ANGPT2: variants seen among roughly 807,000 people sequenced by gnomAD.
The protein encoded by ANGPT2 is angiopoietin-2.
A neutral mutation model predicts 62.9 loss-of-function variants in ANGPT2; 28 were observed. That is an observed-to-expected ratio of 0.44 (90% confidence interval 0.33 to 0.61). ANGPT2 has a LOEUF of 0.61. Among genes scored for constraint, ANGPT2 ranks in the 20% least tolerant of loss-of-function variants. The probability of loss-of-function intolerance (pLI) is 0.03; values close to 1 mark genes in which losing one functional copy is unlikely to be tolerated. For missense variants in ANGPT2, 727 were observed against 594.9 expected, an observed-to-expected ratio of 1.22 and a Z score of -2.31; for synonymous variants, 284 against 207.8, an observed-to-expected ratio of 1.37 and a Z score of -3.15.
At position 6,532,527 on chromosome 8, in the gene ANGPT2, T is replaced by C. The variant is rs111337624; in HGVS notation, c.289-40A>G. On this transcript the variant is annotated intron_variant, in intron 1 of 8. Coordinates refer to ENST00000629816, the MANE Select transcript of ANGPT2 (RefSeq NM_001118887.2). ...TGTTAGAAGGCAGTCATTAGTCAAATGACCGGAAACCTGATTCCTAAATGT... is the reference window on the plus strand; with the variant it reads ...TGTTAGAAGGCAGTCATTAGTCAAACGACCGGAAACCTGATTCCTAAATGT... 6.0e-6 allele frequency: 9 copies of C among 1,505,162 alleles called. No individual in the cohort carries two copies. In the African/African-American group the frequency reaches 7.1e-5, roughly 12 times the overall value. 93.2% of individuals were successfully genotyped at this position (1,505,162 alleles called of 1,614,324 possible). A position where few individuals can be genotyped will look rare whatever the true frequency, so the allele number is the denominator to read the frequency against.
At position 6,521,354 on chromosome 8, in the gene ANGPT2, G is replaced by A. The variant is rs946221594; in HGVS notation, c.623C>T (p.Ser208Leu). ...MEDKHIIQLQ[S>L]IKEEKDQLQV... ...TAGCTGATCTTTCTCTTCTTTTATT[G>A]ACTGTAGTTGGATGATGTGCTTGTC... Residue 208 changes from serine to leucine, a missense_variant, in exon 4 of 9, where the codon TCA (serine) becomes TTA (leucine). Ser to Leu is a moderately radical substitution (Grantham distance 145). Coordinates refer to ENST00000629816, the MANE Select transcript of ANGPT2 (RefSeq NM_001118887.2). 6.2e-6 allele frequency: 10 copies of A among 1,613,316 alleles called. No homozygotes were observed. The highest frequency in any genetic ancestry group is 7.6e-6 in the Non-Finnish European group (9 of 1,179,902).
intron 1 of ANGPT2, among the ~76,000 whole-genome samples, chr8:6,542,618 T>C (rs1210782974): frequency 6.6e-6 from 1 of 151,908 alleles, no homozygotes; most frequent in African/African-American, 2.4e-5. Context: ...AAAAGTGCTG[T>C]CTGAGGAGCA....
At chr8:6,530,072 A>G (rs372489513) in intron 2 of ANGPT2, among the ~76,000 whole-genome samples, 1 of 152,144 alleles carries the variant, frequency 6.6e-6, no homozygotes, top group South Asian at 2.1e-4. Context: ...TTAAAATATA[A>G]GAAATGTTGT....
At chr8:6,552,761 G>T (rs1278571899) in intron 1 of ANGPT2, among the ~76,000 whole-genome samples, 2 of 151,626 alleles carry the variant, frequency 1.3e-5, no homozygotes, top group Middle Eastern at 3.5e-3. Context: ...TGATTGTTTC[G>T]GCCAGTTAAT....
Position 6,535,077 on chromosome 8 carries a change from C to G in ANGPT2, c.289-2590G>C, listed in dbSNP as rs535870871. 2.6e-4 allele frequency among the ~76,000 whole-genome samples: 40 copies of G among 152,144 alleles called. No individual in the cohort carries two copies. In the South Asian group the frequency reaches 8.1e-3, roughly 31 times the overall value. On this transcript the variant is annotated intron_variant, in intron 1 of 8. Coordinates refer to ENST00000629816, the MANE Select transcript of ANGPT2 (RefSeq NM_001118887.2). ...ACTCCAGCTGGAGTTTAGTTTAAGCCCATACTCAGAAATAATAATTTACAA... is the reference window on the plus strand; with the variant it reads ...ACTCCAGCTGGAGTTTAGTTTAAGCGCATACTCAGAAATAATAATTTACAA...
At chr8:6,525,251 C>G (rs866876942) in intron 3 of ANGPT2, among the ~76,000 whole-genome samples, 3 of 152,124 alleles carry the variant, frequency 2.0e-5, no homozygotes, top group East Asian at 3.8e-4. Context: ...GCCCCCTGAT[C>G]GTTGTAAATT....
chr8:6,524,868 A>T (rs1818038391), intron 3 of ANGPT2, among the ~76,000 whole-genome samples: 1 of 152,228 alleles, frequency 6.6e-6, no homozygotes, highest in South Asian at 2.1e-4. Flanking sequence ...CTTTGGTGTC[A>T]CGAGCACCTT....
At chr8:6,523,157 C>T (rs1586343632) in intron 3 of ANGPT2, among the ~76,000 whole-genome samples, 1 of 152,072 alleles carries the variant, frequency 6.6e-6, no homozygotes, top group African/African-American at 2.4e-5. Flanking sequence ...GTCACCATGT[C>T]AGGCTAACTT....
rs974117203 is a variant in ANGPT2, at chr8:6,508,678, C to T, written c.1327+254G>A. ...GAGAGCTTGCTAAGAATCAAATATC[C>T]CCTCTCCTTGCCAGGGCTAGGTCCT... On this transcript the variant is annotated intron_variant, in intron 8 of 8. Coordinates refer to ENST00000629816, the MANE Select transcript of ANGPT2 (RefSeq NM_001118887.2). The T allele has an allele frequency of 2.9e-5, 17 of 595,748 alleles. No individual in the cohort carries two copies. In the African/African-American group the frequency reaches 3.0e-4, roughly 10 times the overall value. 36.9% of individuals were successfully genotyped at this position (595,748 alleles called of 1,614,324 possible). A position where few individuals can be genotyped will look rare whatever the true frequency, so the allele number is the denominator to read the frequency against.
intron 2 of ANGPT2, among the ~76,000 whole-genome samples, chr8:6,527,897 C>CTCTTTTTTTTT (rs1343936237): frequency 9.4e-6 from 1 of 105,956 alleles, no homozygotes; most frequent in African/African-American, 3.1e-5. Context: ...CCCCACGTCT[C>CTCTTTTTTTTT]TATTTTTTTT....
At chr8:6,529,623 A>ATTTTTTTTTTT (rs35322987) in intron 2 of ANGPT2, among the ~76,000 whole-genome samples, 2 of 120,976 alleles carry the variant, frequency 1.7e-5, no homozygotes, top group Non-Finnish European at 1.7e-5. Context: ...CGCCTGGCTA[A>ATTTTTTTTTTT]TTTTTTTTTT....
intron 1 of ANGPT2, among the ~76,000 whole-genome samples, chr8:6,534,615 T>C (rs1820170271): frequency 6.6e-6 from 1 of 152,082 alleles, no homozygotes; most frequent in Admixed American, 6.6e-5. Flanking sequence ...GACCACTACT[T>C]TAAAAAATTA....
chr8:6,540,191 C>T (rs1206768717), intron 1 of ANGPT2, among the ~76,000 whole-genome samples: 1 of 152,140 alleles, frequency 6.6e-6, no homozygotes, highest in Non-Finnish European at 1.5e-5. Context: ...ATTTTTTTCA[C>T]ATATATTTGA....
At chr8:6,543,063 CCT>C (rs1821899178) in intron 1 of ANGPT2, among the ~76,000 whole-genome samples, 1 of 152,090 alleles carries the variant, frequency 6.6e-6, no homozygotes, top group Non-Finnish European at 1.5e-5. Context: ...CTGTGCGTGC[CCT>C]GCCGGGTCCC....
At chr8:6,522,832 C>A (rs1002040109) in intron 3 of ANGPT2, among the ~76,000 whole-genome samples, 2 of 151,798 alleles carry the variant, frequency 1.3e-5, no homozygotes, top group Non-Finnish European at 1.5e-5. Flanking sequence ...CCTAAAGTCA[C>A]ACACAGCAGG....
At position 6,545,665 on chromosome 8, in the gene ANGPT2, G is replaced by T. The variant is rs537372416; in HGVS notation, c.289-13178C>A. Among the ~76,000 whole-genome samples, 7 of 152,262 alleles carry T rather than the reference G, an allele frequency of 4.6e-5. No individual in the cohort carries two copies. The South Asian group carries it at 1.4e-3, about 32-fold the overall frequency. On this transcript the variant is annotated intron_variant, in intron 1 of 8. Coordinates refer to ENST00000629816, the MANE Select transcript of ANGPT2 (RefSeq NM_001118887.2). Reference sequence around the variant, plus strand: ...CATTTGCTCTTGGAAGACCAAGAAAGAATTCATGTGGTTCCCATTAGTCTA... The same window carrying T: ...CATTTGCTCTTGGAAGACCAAGAAATAATTCATGTGGTTCCCATTAGTCTA...
In ANGPT2 at chr8:6,527,692, T is replaced by G. The variant is rs759743222; in HGVS notation, c.445-16A>C. On this transcript the variant is annotated splice_polypyrimidine_tract_variant and intron_variant, in intron 2 of 8. Transcript: ENST00000629816. ...GATTTAATACCTAAATGTAACAAAA[T>G]GAAGTTCCTATTAATTATTTTTTAA... The G allele has an allele frequency of 2.5e-6, 4 of 1,589,764 alleles. No homozygotes were observed. The Admixed American group carries it at 7.1e-5, about 28-fold the overall frequency.
chr8:6,521,165 T>A lies in ANGPT2; in HGVS notation c.799+13A>T. The stretch of plus-strand genomic sequence containing the variant: ...GTTATTAACGCTGAAGAAAGCATGA[T>A]ATGTAAACTTACAGTTTGATGTGGA... On this transcript the variant is annotated intron_variant, in intron 4 of 8. Coordinates refer to ENST00000629816, the MANE Select transcript of ANGPT2 (RefSeq NM_001118887.2). 6.2e-7 allele frequency: 1 copy of A among 1,602,502 alleles called. No individual in the cohort carries two copies. Among genetic ancestry groups the A allele is most frequent in the Non-Finnish European group, 8.5e-7 (1 of 1,170,348 alleles).
intron 6 of ANGPT2, among the ~76,000 whole-genome samples, chr8:6,514,468 C>T (rs949967599): frequency 2.0e-5 from 3 of 152,178 alleles, no homozygotes; most frequent in African/African-American, 7.2e-5. Flanking sequence ...GGATTACAGG[C>T]GTGAGCCAGC....
Sources: allele counts gnomAD v4.1 joint callset (sites outside exome capture counted in the v4.1 genomes callset), GRCh38; gene constraint gnomAD v4.1.1; transcripts MANE v1.5; gene names NCBI Gene and HGNC (gene_info 2026-07-23, HGNC 2026-07-21).